Variants in PCGF5 observed in about 807,000 individuals in gnomAD.
PCGF5 encodes polycomb group ring finger 5.
In PCGF5, 9 loss-of-function variants were observed where a neutral mutation model predicts 44.3. The observed-to-expected ratio is 0.20, with a 90% CI of 0.12 to 0.35. The LOEUF is 0.35. Among genes scored for constraint, PCGF5 ranks in the 10% least tolerant of loss-of-function variants. The probability of loss-of-function intolerance (pLI) is 1.00; values close to 1 mark genes in which losing one functional copy is unlikely to be tolerated. For missense variants in PCGF5, 146 were observed against 305.3 expected (o/e 0.48, Z 3.89); for synonymous variants, 95 against 102.5 (o/e 0.93, Z 0.44).
At chr10:91,189,474 A>T (rs1415758017) in intron 1 of PCGF5, among the ~76,000 whole-genome samples, 1 of 152,086 alleles carries the variant, frequency 6.6e-6, no homozygotes, top group East Asian at 1.9e-4. Flanking sequence ...ATTATTGAGA[A>T]TCTACACTTG....
chr10:91,186,804 G>A (rs1843935150), intron 1 of PCGF5, among the ~76,000 whole-genome samples: 1 of 152,070 alleles, frequency 6.6e-6, no homozygotes, highest in African/African-American at 2.4e-5. Context: ...ATAGGGAGCT[G>A]TCCCAGCTGG....
rs140381946 is a variant in PCGF5, at chr10:91,192,110, G to A, written c.-184+29029G>A. On this transcript the variant is annotated intron_variant, in intron 1 of 9. Transcript: ENST00000614189. The stretch of plus-strand genomic sequence containing the variant: ...GTCATCCTCTTTCCAGCCTTAAACT[G>A]GCTGAAGGCAATTAGTAGTCTTAAA... Among the ~76,000 whole-genome samples, 87 of 152,116 alleles carry A rather than the reference G, an allele frequency of 5.7e-4. No individual in the cohort carries two copies. The East Asian group carries it at 0.015, about 27-fold the overall frequency.
intron 1 of PCGF5, among the ~76,000 whole-genome samples, chr10:91,171,251 A>G (rs78018121): frequency 0.037 from 5,634 of 152,350 alleles, 368 homozygotes; most frequent in African/African-American, 0.13. Context: ...GATGAAAACA[A>G]AAGGAAATTT....
chr10:91,195,927 C>G (rs530274280), intron 1 of PCGF5, among the ~76,000 whole-genome samples: 1 of 151,160 alleles, frequency 6.6e-6, no homozygotes, highest in East Asian at 1.9e-4. Context: ...AACTTGGTCA[C>G]TATTGTGGGC....
intron 1 of PCGF5, among the ~76,000 whole-genome samples, chr10:91,202,318 T>C (rs1321774806): frequency 1.3e-5 from 2 of 152,314 alleles, no homozygotes; most frequent in African/African-American, 4.8e-5. Flanking sequence ...CCACCACCGT[T>C]GTGATCTGAT....
chr10:91,200,133 C>T (rs946946061), intron 1 of PCGF5, among the ~76,000 whole-genome samples: 1 of 152,130 alleles, frequency 6.6e-6, no homozygotes, highest in Admixed American at 6.5e-5. Context: ...TGCATTTTTG[C>T]CTCACTGTGG....
At chr10:91,205,964 G>A (rs1033857177) in intron 1 of PCGF5, among the ~76,000 whole-genome samples, 1 of 152,166 alleles carries the variant, frequency 6.6e-6, no homozygotes, top group Admixed American at 6.5e-5. Context: ...ACAGGTTTCA[G>A]TGAGCTGAGA....
intron 1 of PCGF5, among the ~76,000 whole-genome samples, chr10:91,177,070 A>C (rs1032958922): frequency 6.6e-6 from 1 of 152,164 alleles, no homozygotes; most frequent in African/African-American, 2.4e-5. Flanking sequence ...ATGGTGACGT[A>C]CAGATGGGGT....
chr10:91,248,826 G>C, intron 5 of PCGF5, 102 bp downstream of exon 5: 2 of 991,824 alleles, frequency 2.0e-6, no homozygotes, highest in South Asian at 3.1e-5. Flanking sequence ...CATTTTTCCT[G>C]CACAAAATTC....
At chr10:91,215,320 G>A (rs1261069343), upstream of PCGF5, among the ~76,000 whole-genome samples, 1 of 152,162 alleles carries the variant, frequency 6.6e-6, no homozygotes, top group Non-Finnish European at 1.5e-5. Flanking sequence ...AATATAGTTA[G>A]TGAACAGACC....
chr10:91,157,882 T>C, the PCGF5 span, among the ~76,000 whole-genome samples: 2 of 152,234 alleles, frequency 1.3e-5, no homozygotes, highest in Non-Finnish European at 2.9e-5. Context: ...TCCTTTGGAT[T>C]CCTTCCAACT....
upstream of PCGF5, among the ~76,000 whole-genome samples, chr10:91,162,704 G>C (rs1041195026): frequency 6.6e-6 from 1 of 151,242 alleles, no homozygotes; most frequent in Non-Finnish European, 1.5e-5. Flanking sequence ...GACGCTCCGG[G>C]AGCTGCGCGG....
chr10:91,165,968 A>G (rs919826294), intron 1 of PCGF5, among the ~76,000 whole-genome samples: 2 of 152,230 alleles, frequency 1.3e-5, no homozygotes, highest in Non-Finnish European at 2.9e-5. Flanking sequence ...TTTCCATAAT[A>G]GTAGCTGTGA....
intron 2 of PCGF5, among the ~76,000 whole-genome samples, chr10:91,233,623 A>G (rs1226710899): frequency 6.6e-6 from 1 of 152,232 alleles, no homozygotes; most frequent in Non-Finnish European, 1.5e-5. Flanking sequence ...GAAGCGAATT[A>G]CAGCTATTCT....
upstream of PCGF5, among the ~76,000 whole-genome samples, chr10:91,160,245 G>A (rs988111104): frequency 5.3e-5 from 8 of 152,264 alleles, no homozygotes; most frequent in South Asian, 6.2e-4. Flanking sequence ...TTTAAAGTGC[G>A]GATGTATTAG....
At chr10:91,253,009 T>G (rs1353827205) in intron 6 of PCGF5, among the ~76,000 whole-genome samples, 1 of 151,958 alleles carries the variant, frequency 6.6e-6, no homozygotes. Context: ...TATAAATGAC[T>G]TTTACTAAGC....
At chr10:91,240,832 T>C (rs1338998092) in intron 3 of PCGF5, among the ~76,000 whole-genome samples, 1 of 151,830 alleles carries the variant, frequency 6.6e-6, no homozygotes, top group Non-Finnish European at 1.5e-5. Flanking sequence ...AGAGTGACTT[T>C]AGGTTACAGG....
At chr10:91,157,760 A>G in the PCGF5 span, among the ~76,000 whole-genome samples, 1 of 152,238 alleles carries the variant, frequency 6.6e-6, no homozygotes, top group Non-Finnish European at 1.5e-5. Flanking sequence ...TTAAGGACAC[A>G]TGATAAGAGG....
chr10:91,204,618 G>A (rs911216689), intron 1 of PCGF5, among the ~76,000 whole-genome samples: 3 of 152,202 alleles, frequency 2.0e-5, no homozygotes, highest in African/African-American at 4.8e-5. Flanking sequence ...AGTCTTGGAA[G>A]ATGATAAACA....
Sources: gnomAD v4.1 joint callset for allele counts (sites outside exome capture counted in the v4.1 genomes callset) on GRCh38, gnomAD v4.1.1 for gene constraint, MANE v1.5 for transcripts, NCBI Gene and HGNC (gene_info 2026-07-23, HGNC 2026-07-21) for gene names.